TAMM41: variants seen among roughly 807,000 people sequenced by gnomAD.
The protein encoded by TAMM41 is phosphatidate cytidylyltransferase, mitochondrial.
A neutral mutation model predicts 44.1 loss-of-function variants in TAMM41; 36 were observed. The ratio of observed to expected loss-of-function variants is 0.82; its 90% CI spans 0.63 to 1.08. The LOEUF is 1.08. Ranked by LOEUF, TAMM41 falls within the 50% of genes least tolerant of loss-of-function variation. The pLI is 0.00. For synonymous variants in TAMM41, 164 were observed against 153.1 expected, an observed-to-expected ratio of 1.07 and a Z score of -0.53; for missense variants, 417 against 404.3, an observed-to-expected ratio of 1.03 and a Z score of -0.27.
chr3:11,779,761 G>A, the TAMM41 span, among the ~76,000 whole-genome samples: 1 of 152,118 alleles, frequency 6.6e-6, no homozygotes, highest in Non-Finnish European at 1.5e-5. Flanking sequence ...CAGACCTGGG[G>A]AGCCAACTGT....
the TAMM41 span, among the ~76,000 whole-genome samples, chr3:11,757,549 G>A: frequency 6.6e-5 from 10 of 152,168 alleles, no homozygotes; most frequent in Non-Finnish European, 1.2e-4. Flanking sequence ...CTTCCAACCA[G>A]CAAACAGAGT....
At chr3:11,728,666 A>C in the TAMM41 span, among the ~76,000 whole-genome samples, 1 of 152,154 alleles carries the variant, frequency 6.6e-6, no homozygotes, top group Non-Finnish European at 1.5e-5. Flanking sequence ...TTAGTCGAAG[A>C]GCTGTGATTG....
chr3:11,804,918 G>A (rs556933058), intron 7 of TAMM41, among the ~76,000 whole-genome samples: 11 of 149,418 alleles, frequency 7.4e-5, no homozygotes, highest in African/African-American at 2.7e-4. Flanking sequence ...AGACTGAAGT[G>A]CAGTGGTGCG....
At chr3:11,786,282 TA>T (rs56136065), downstream of TAMM41, among the ~76,000 whole-genome samples, 46 of 122,300 alleles carry the variant, frequency 3.8e-4, no homozygotes, top group South Asian at 2.5e-3. Context: ...TTTATTTATT[TA>T]ATTTTATTAT....
intron 7 of TAMM41, among the ~76,000 whole-genome samples, chr3:11,797,208 A>G (rs866316522): frequency 9.9e-5 from 15 of 152,254 alleles, no homozygotes; most frequent in South Asian, 2.1e-4. Flanking sequence ...AGCAAAAAGA[A>G]CAAAGCTGGA....
At chr3:11,843,900 C>T in intron 2 of TAMM41, 129 bp downstream of exon 2, 1 of 914,424 alleles carries the variant, frequency 1.1e-6, no homozygotes, top group Non-Finnish European at 1.6e-6. Flanking sequence ...ATACATATTT[C>T]CCGACTATAA....
At chr3:11,824,367 T>TG (rs2078655938) in intron 4 of TAMM41, among the ~76,000 whole-genome samples, 1 of 149,476 alleles carries the variant, frequency 6.7e-6, no homozygotes, top group Non-Finnish European at 1.5e-5. Context: ...ATTTTTTTTT[T>TG]TTTTTTTTTT....
chr3:11,784,793 T>G, the TAMM41 span, among the ~76,000 whole-genome samples: 2 of 135,158 alleles, frequency 1.5e-5, no homozygotes, highest in Non-Finnish European at 3.0e-5. Flanking sequence ...CTTCTTTTCT[T>G]TTCTTTTTTT....
chr3:11,749,730 C>T, the TAMM41 span, among the ~76,000 whole-genome samples: 2 of 152,278 alleles, frequency 1.3e-5, no homozygotes, highest in African/African-American at 4.8e-5. Flanking sequence ...TTCACACCCA[C>T]AGTGCCTGGA....
At chr3:11,760,391 T>C in the TAMM41 span, among the ~76,000 whole-genome samples, 2 of 152,214 alleles carry the variant, frequency 1.3e-5, no homozygotes, top group African/African-American at 4.8e-5. Flanking sequence ...TTCATAAACT[T>C]AGTTGTTAAT....
the TAMM41 span, among the ~76,000 whole-genome samples, chr3:11,743,151 A>G: frequency 1.3e-5 from 2 of 152,074 alleles, no homozygotes; most frequent in African/African-American, 4.8e-5. Context: ...GGGATCAGCA[A>G]TAATGGAGGT....
the TAMM41 span, among the ~76,000 whole-genome samples, chr3:11,783,082 TTTCTA>T: frequency 6.6e-6 from 1 of 152,224 alleles, no homozygotes; most frequent in Non-Finnish European, 1.5e-5. Context: ...GAGCTTCTCC[TTTCTA>T]AAGTCCTGCT....
intron 5 of TAMM41, among the ~76,000 whole-genome samples, chr3:11,814,863 T>G (rs1048245053): frequency 6.6e-6 from 1 of 151,608 alleles, no homozygotes; most frequent in South Asian, 2.1e-4. Context: ...ACTCAGGAGG[T>G]TGAGGTGGGA....
the TAMM41 span, among the ~76,000 whole-genome samples, chr3:11,730,357 G>A: frequency 9.3e-5 from 14 of 150,476 alleles, no homozygotes; most frequent in Middle Eastern, 3.4e-3. Context: ...GAGGCAGGAT[G>A]CAGTGAGCCA....
At chr3:11,782,770 G>A in the TAMM41 span, among the ~76,000 whole-genome samples, 66 of 152,264 alleles carry the variant, frequency 4.3e-4, no homozygotes, top group Non-Finnish European at 8.7e-4. Flanking sequence ...CTCCCCACAC[G>A]GTTGGAGTTT....
chr3:11,809,563 T>C lies in TAMM41; in HGVS notation c.828A>G (p.Leu276=), dbSNP rs1020827995. ...AGTCGGGATCATGAGCCACTTGGAA[T>C]AAAGTTTCTTCCACATCTCTGTTTT... ...PGKNRDVEET[L]FQVAHDPDCG... The change falls in exon 6 of 8, where the codon TTA becomes TTG. Residue 276 remains leucine (L), a synonymous_variant. Coordinates refer to ENST00000455809, the MANE Select transcript of TAMM41 (RefSeq NM_001284401.2). 6.2e-6 allele frequency: 10 copies of C among 1,614,062 alleles called. No homozygotes were observed. The African/African-American group carries it at 1.2e-4, about 19-fold the overall frequency.
At chr3:11,835,984 CTTTTCCTTTTTTTT>C (rs2079155402) in intron 3 of TAMM41, among the ~76,000 whole-genome samples, 1 of 143,300 alleles carries the variant, frequency 7.0e-6, no homozygotes, top group African/African-American at 2.6e-5. Flanking sequence ...TCCAATATTC[CTTTTCCTTTTTTTT>C]TTTTTTTTTG....
intron 4 of TAMM41, among the ~76,000 whole-genome samples, chr3:11,828,879 G>C (rs1485658611): frequency 6.6e-6 from 1 of 152,172 alleles, no homozygotes; most frequent in Non-Finnish European, 1.5e-5. Flanking sequence ...AATGTTCTGA[G>C]CATAAAGTTC....
chr3:11,730,427 A>C, the TAMM41 span, among the ~76,000 whole-genome samples: 5 of 149,850 alleles, frequency 3.3e-5, no homozygotes, highest in African/African-American at 1.2e-4. Context: ...CAAAAAAAAA[A>C]AAAAAAGAAA....
Sources: gnomAD v4.1 joint callset for allele counts (sites outside exome capture counted in the v4.1 genomes callset) on GRCh38, gnomAD v4.1.1 for gene constraint, MANE v1.5 for transcripts, NCBI Gene and HGNC (gene_info 2026-07-23, HGNC 2026-07-21) for gene names.